Variants in FAM184B observed in about 807,000 individuals in gnomAD.
FAM184B encodes the protein family with sequence similarity 184 member B.
FAM184B carries 111 observed loss-of-function variants against 135.9 expected under a neutral mutation model. The ratio of observed to expected loss-of-function variants is 0.82; its 90% CI spans 0.70 to 0.96. FAM184B has a LOEUF of 0.96. Ranked by LOEUF, FAM184B falls within the 40% of genes least tolerant of loss-of-function variation. The pLI is 0.00. For synonymous variants in FAM184B, 552 were observed against 524.8 expected, an observed-to-expected ratio of 1.05 and a Z score of -0.71; for missense variants, 1,375 against 1,323.9, an observed-to-expected ratio of 1.04 and a Z score of -0.60.
intron 7 of FAM184B, among the ~76,000 whole-genome samples, chr4:17,670,743 T>C (rs950756082): frequency 2.0e-5 from 3 of 152,194 alleles, no homozygotes; most frequent in Non-Finnish European, 4.4e-5. Flanking sequence ...GGAATTAAAT[T>C]GGAGAAGTCC....
chr4:17,745,449 G>A (rs1409152832), intron 1 of FAM184B, among the ~76,000 whole-genome samples: 6 of 152,258 alleles, frequency 3.9e-5, no homozygotes, highest in African/African-American at 4.8e-5. Context: ...TAGGTACCGC[G>A]GCCGGGCTAT....
intron 12 of FAM184B, among the ~76,000 whole-genome samples, chr4:17,647,255 T>C (rs1199387671): frequency 1.5e-4 from 5 of 33,294 alleles, no homozygotes; most frequent in East Asian, 0.014. Context: ...CCCATCCCTT[T>C]TTTTTTTTTT....
intron 1 of FAM184B, among the ~76,000 whole-genome samples, chr4:17,710,025 A>G (rs1717220425): frequency 6.6e-6 from 1 of 152,092 alleles, no homozygotes; most frequent in Admixed American, 6.5e-5. Context: ...GGAACAAAAC[A>G]TTTAGAAAAC....
chr4:17,773,645 T>C (rs1360095920), intron 1 of FAM184B, among the ~76,000 whole-genome samples: 1 of 152,202 alleles, frequency 6.6e-6, no homozygotes, highest in Non-Finnish European at 1.5e-5. Context: ...CGGCACAATC[T>C]TGGGTCACTG....
intron 1 of FAM184B, among the ~76,000 whole-genome samples, chr4:17,722,802 C>G (rs959834528): frequency 1.3e-5 from 2 of 152,134 alleles, no homozygotes; most frequent in African/African-American, 4.8e-5. Context: ...TTGGAAAGCA[C>G]CTTTGGTTGG....
chr4:17,754,850 G>GA (rs1266509702), intron 1 of FAM184B, among the ~76,000 whole-genome samples: 1 of 151,866 alleles, frequency 6.6e-6, no homozygotes, highest in Non-Finnish European at 1.5e-5. Context: ...ATACAGATAG[G>GA]AAATCAATAA....
chr4:17,774,992 C>CTTTTTTTTTTTTTTTTTTTTTTTTTTT (rs71167338), intron 1 of FAM184B, among the ~76,000 whole-genome samples: 1 of 81,750 alleles, frequency 1.2e-5, no homozygotes, highest in Non-Finnish European at 2.2e-5. Context: ...TTTTCCTTTT[C>CTTTTTTTTTTTTTTTTTTTTTTTTTTT]TTTTTTTTTT....
chr4:17,669,203 G>GA (rs1432665689), intron 7 of FAM184B, among the ~76,000 whole-genome samples: 1 of 152,144 alleles, frequency 6.6e-6, no homozygotes, highest in African/African-American at 2.4e-5. Flanking sequence ...TGACTAAGCA[G>GA]ATTATAACCT....
chr4:17,767,060 C>T (rs1183858561), intron 1 of FAM184B, among the ~76,000 whole-genome samples: 1 of 152,202 alleles, frequency 6.6e-6, no homozygotes, highest in Non-Finnish European at 1.5e-5. Context: ...GTGTTAAGCC[C>T]CTCACTGCCT....
intron 5 of FAM184B, among the ~76,000 whole-genome samples, chr4:17,698,088 AC>A (rs1254050828): frequency 3.3e-5 from 5 of 151,834 alleles, no homozygotes; most frequent in African/African-American, 7.3e-5. Flanking sequence ...AAAAAAAAAA[AC>A]AAACAAAAAA....
intron 1 of FAM184B, among the ~76,000 whole-genome samples, chr4:17,772,833 G>C (rs935950820): frequency 6.6e-6 from 1 of 152,198 alleles, no homozygotes; most frequent in African/African-American, 2.4e-5. Flanking sequence ...CTGCCTGCCA[G>C]GTGCACCTAC....
At chr4:17,733,512 A>T (rs1217002426) in intron 1 of FAM184B, among the ~76,000 whole-genome samples, 1 of 152,220 alleles carries the variant, frequency 6.6e-6, no homozygotes, top group Admixed American at 6.5e-5. Flanking sequence ...AATGTACAAA[A>T]ATCACAAGCA....
chr4:17,686,375 G>T, intron 7 of FAM184B, among the ~76,000 whole-genome samples: 1 of 152,340 alleles, frequency 6.6e-6, no homozygotes, highest in Middle Eastern at 3.4e-3. Flanking sequence ...GGGCAACAGG[G>T]CTGCTCAAGG....
chr4:17,649,367 G>A (rs1482472347), intron 11 of FAM184B, among the ~76,000 whole-genome samples: 1 of 152,036 alleles, frequency 6.6e-6, no homozygotes, highest in Admixed American at 6.6e-5. Context: ...GGTGGATCAC[G>A]AGGTCAGGAG....
rs964110106 is a variant in FAM184B, at chr4:17,635,117, G to C, written c.2785-4C>G. The stretch of plus-strand genomic sequence containing the variant: ...CGTAGTGAAATCTTCTCTCTTCCTA[G>C]AAAACCAATACAACTGAGTCTAAAT... On this transcript the variant is annotated splice_polypyrimidine_tract_variant and splice_region_variant and intron_variant, in intron 15 of 17. Transcript: ENST00000265018. The C allele has an allele frequency of 3.2e-6, 5 of 1,549,324 alleles. No individual in the cohort carries two copies. In the African/African-American group the frequency reaches 6.9e-5, roughly 21 times the overall value.
At position 17,709,659 on chromosome 4, in the gene FAM184B, A is replaced by G. The variant is rs1168621777; in HGVS notation, c.142-15T>C. 1 of 1,479,220 alleles carries G rather than the reference A, an allele frequency of 6.8e-7. No individual in the cohort carries two copies. Among genetic ancestry groups the G allele is most frequent in the Admixed American group, 2.4e-5 (1 of 41,284 alleles). The allele number at this position is 1,479,220 out of a possible 1,614,324, so 91.6% of individuals were successfully genotyped here. On this transcript the variant is annotated splice_polypyrimidine_tract_variant and intron_variant, in intron 1 of 17. Transcript: ENST00000265018. Reference sequence around the variant, plus strand: ...GCATAAATCACCTGCAGGAAAATCAACAGAGCCCAGTTAGGGTGAGGGGGC... The same window carrying G: ...GCATAAATCACCTGCAGGAAAATCAGCAGAGCCCAGTTAGGGTGAGGGGGC...
intron 1 of FAM184B, among the ~76,000 whole-genome samples, chr4:17,771,148 C>T (rs184281235): frequency 2.0e-5 from 3 of 152,262 alleles, no homozygotes; most frequent in African/African-American, 7.2e-5. Flanking sequence ...ATAAGCGTGT[C>T]CAAGCATTTG....
At chr4:17,733,678 G>C (rs1274885649) in intron 1 of FAM184B, among the ~76,000 whole-genome samples, 1 of 152,172 alleles carries the variant, frequency 6.6e-6, no homozygotes, top group Non-Finnish European at 1.5e-5. Flanking sequence ...TGAAATAAAA[G>C]AGGATACAAA....
chr4:17,635,284 C>CT (rs1447834841), intron 15 of FAM184B, among the ~76,000 whole-genome samples, 171 bp from the exon 16 acceptor site: 1 of 152,076 alleles, frequency 6.6e-6, no homozygotes, highest in Non-Finnish European at 1.5e-5. Flanking sequence ...AGCACCTTTG[C>CT]TTTTTTTATG....
Sources: gnomAD v4.1 joint callset for allele counts (sites outside exome capture counted in the v4.1 genomes callset) on GRCh38, gnomAD v4.1.1 for gene constraint, MANE v1.5 for transcripts, NCBI Gene and HGNC (gene_info 2026-07-23, HGNC 2026-07-21) for gene names.